SHC4: variants seen among roughly 807,000 people sequenced by gnomAD.
SHC4 encodes SHC adaptor protein 4.
A neutral mutation model predicts 69.4 loss-of-function variants in SHC4; 41 were observed. The observed-to-expected ratio is 0.59, with a 90% CI of 0.46 to 0.77. The LOEUF is 0.77. Ranked by LOEUF, SHC4 falls within the 30% of genes least tolerant of loss-of-function variation. SHC4 has a pLI of 0.00. For synonymous variants in SHC4, 318 were observed against 299.3 expected, an observed-to-expected ratio of 1.06 and a Z score of -0.64; for missense variants, 777 against 783.8, an observed-to-expected ratio of 0.99 and a Z score of 0.10.
intron 1 of SHC4, among the ~76,000 whole-genome samples, chr15:48,954,805 T>G (rs936290469): frequency 1.3e-5 from 2 of 152,192 alleles, no homozygotes; most frequent in African/African-American, 4.8e-5. Context: ...AAATCCATTC[T>G]CTTCCCTCCA....
intron 1 of SHC4, among the ~76,000 whole-genome samples, chr15:48,949,227 T>A (rs1454289518): frequency 6.6e-6 from 1 of 150,462 alleles, no homozygotes; most frequent in Admixed American, 6.6e-5. Flanking sequence ...AAAAATTAGC[T>A]GGGCATGGTG....
In SHC4 at chr15:48,881,286, C is replaced by T. The variant is rs1899940532; in HGVS notation, c.840+2962G>A. 2.0e-5 allele frequency among the ~76,000 whole-genome samples: 3 copies of T among 151,574 alleles called. 1 individual carries two copies. The highest frequency in any genetic ancestry group is 4.1e-4 in the South Asian group (2 of 4,828). On this transcript the variant is annotated intron_variant, in intron 4 of 11. Transcript: ENST00000332408. Reference sequence around the variant, plus strand: ...CAGCAGCTAAAAATCTAGATTCTTACCTTTTTATTATTATTTTTTTAAAGT... The same window carrying T: ...CAGCAGCTAAAAATCTAGATTCTTATCTTTTTATTATTATTTTTTTAAAGT...
chr15:48,890,841 C>T (rs749392042), intron 2 of SHC4, 30 bp from the exon 3 acceptor site: 1 of 1,608,064 alleles, frequency 6.2e-7, no homozygotes, highest in South Asian at 1.1e-5. Context: ...TAAATAAAGA[C>T]TTAGCATACT....
chr15:48,878,061 C>A, intron 4 of SHC4: 1 of 1,375,030 alleles, frequency 7.3e-7, no homozygotes, highest in East Asian at 2.3e-5. Context: ...ACCTGAGGAC[C>A]ACGCCTGCGC....
At chr15:48,911,346 G>T (rs1900504821) in intron 2 of SHC4, among the ~76,000 whole-genome samples, 1 of 152,186 alleles carries the variant, frequency 6.6e-6, no homozygotes, top group African/African-American at 2.4e-5. Flanking sequence ...TACTGATGTT[G>T]CTTTAAGGTT....
chr15:48,842,131 T>G (rs1435651851), intron 10 of SHC4, among the ~76,000 whole-genome samples: 1 of 152,228 alleles, frequency 6.6e-6, no homozygotes. Context: ...ATTTTTCAGT[T>G]GATTATAGGC....
chr15:48,953,134 G>A (rs938477589), intron 1 of SHC4, among the ~76,000 whole-genome samples: 1 of 152,190 alleles, frequency 6.6e-6, no homozygotes, highest in African/African-American at 2.4e-5. Flanking sequence ...GATGGAGCTG[G>A]AGGCCATTAT....
At chr15:48,843,265 C>T (rs747002342) in intron 10 of SHC4, 144 bp downstream of exon 10, 4 of 730,336 alleles carry the variant, frequency 5.5e-6, no homozygotes, top group South Asian at 1.9e-5. Context: ...GATTCTCTTC[C>T]AGAGGTCCTA....
intron 4 of SHC4, among the ~76,000 whole-genome samples, chr15:48,873,632 T>C (rs192235861): frequency 8.2e-4 from 125 of 152,192 alleles, no homozygotes; most frequent in Admixed American, 4.6e-3. Context: ...TCCCCGCTAC[T>C]CAGGAGTCTG....
chr15:48,927,384 G>C (rs1277910395), intron 1 of SHC4, among the ~76,000 whole-genome samples: 1 of 152,118 alleles, frequency 6.6e-6, no homozygotes, highest in Non-Finnish European at 1.5e-5. Context: ...GAGGAGGTGG[G>C]TATCATCTTT....
At position 48,872,149 on chromosome 15, in the gene SHC4, A is replaced by C; in HGVS notation, c.841-7T>G. ...TATGATGATTTGCAATAATCTGAAA[A>C]ACATAAACATGTATACTAATATAAA... On this transcript the variant is annotated splice_polypyrimidine_tract_variant and splice_region_variant and intron_variant, in intron 4 of 11. Coordinates refer to ENST00000332408, the MANE Select transcript of SHC4 (RefSeq NM_203349.4). 1 of 1,513,532 alleles carries C rather than the reference A, an allele frequency of 6.6e-7. No individual in the cohort carries two copies. Among genetic ancestry groups the C allele is most frequent in the Non-Finnish European group, 9.1e-7 (1 of 1,096,162 alleles). 93.8% of individuals were successfully genotyped at this position (1,513,532 alleles called of 1,614,324 possible). A position where few individuals can be genotyped will look rare whatever the true frequency, so the allele number is the denominator to read the frequency against.
At chr15:48,836,011 C>T (rs1161804493) in intron 10 of SHC4, among the ~76,000 whole-genome samples, 3 of 83,356 alleles carry the variant, frequency 3.6e-5, no homozygotes, top group African/African-American at 1.5e-4. Flanking sequence ...AATCCTGTCT[C>T]TACAAAAAAT....
intron 1 of SHC4, among the ~76,000 whole-genome samples, chr15:48,930,372 T>C (rs1245216032): frequency 6.6e-6 from 1 of 152,264 alleles, no homozygotes; most frequent in Non-Finnish European, 1.5e-5. Flanking sequence ...GAAATCTCTT[T>C]TTATACATGG....
intron 2 of SHC4, among the ~76,000 whole-genome samples, chr15:48,921,582 G>A (rs1315752620): frequency 6.6e-6 from 1 of 152,166 alleles, no homozygotes; most frequent in East Asian, 1.9e-4. Flanking sequence ...TGATCCATCT[G>A]CCTCAGCCTC....
chr15:48,832,111 A>C (rs1898814768), intron 11 of SHC4, among the ~76,000 whole-genome samples: 1 of 152,180 alleles, frequency 6.6e-6, no homozygotes, highest in Non-Finnish European at 1.5e-5. Flanking sequence ...TCTCTACTTA[A>C]AATACAAAAA....
intron 1 of SHC4, among the ~76,000 whole-genome samples, chr15:48,929,325 G>A (rs905689083): frequency 5.3e-5 from 8 of 152,152 alleles, no homozygotes; most frequent in South Asian, 2.1e-4. Flanking sequence ...TATTAAATGC[G>A]GATCTGCATA....
intron 8 of SHC4, among the ~76,000 whole-genome samples, chr15:48,854,140 A>G (rs911018319): frequency 6.6e-6 from 1 of 152,210 alleles, no homozygotes; most frequent in Non-Finnish European, 1.5e-5. Context: ...AAACAACCCC[A>G]TTAAAAAGTG....
At chr15:48,924,459 A>T (rs150774771) in intron 2 of SHC4, among the ~76,000 whole-genome samples, 1 of 152,294 alleles carries the variant, frequency 6.6e-6, no homozygotes, top group Non-Finnish European at 1.5e-5. Context: ...GGAGACCCAG[A>T]CAAGGAGTAA....
chr15:48,914,178 A>G (rs1900572106), intron 2 of SHC4, among the ~76,000 whole-genome samples: 1 of 152,198 alleles, frequency 6.6e-6, no homozygotes, highest in Non-Finnish European at 1.5e-5. Flanking sequence ...GTGCGTTTTA[A>G]AGACTTGAGC....
Sources: gnomAD v4.1 joint callset for allele counts (sites outside exome capture counted in the v4.1 genomes callset) on GRCh38, gnomAD v4.1.1 for gene constraint, MANE v1.5 for transcripts, NCBI Gene and HGNC (gene_info 2026-07-23, HGNC 2026-07-21) for gene names.